The following PHF20L1 variants were observed in gnomAD, a reference collection of about 807,000 sequenced individuals.
PHF20L1 encodes PHD finger protein 20 like 1, also known as PHD finger protein 20-like protein 1.
In PHF20L1, 44 loss-of-function variants were observed where a neutral mutation model predicts 125.5. The observed-to-expected ratio is 0.35, with a 90% CI of 0.28 to 0.45. The LOEUF is 0.45. PHF20L1 is among the 20% of genes least tolerant of loss of function. The pLI, the probability that PHF20L1 is intolerant of heterozygous loss-of-function variation, is 1.00. For missense variants in PHF20L1, 1,012 were observed against 1,217.2 expected (o/e 0.83, Z 2.51); for synonymous variants, 380 against 403.1 (o/e 0.94, Z 0.69).
At chr8:132,817,176 T>C (rs1835079360) in intron 11 of PHF20L1, 100 bp downstream of exon 11, 2 of 926,546 alleles carry the variant, frequency 2.2e-6, no homozygotes, top group Non-Finnish European at 3.2e-6. Flanking sequence ...TCTGCTCTTA[T>C]ATCTTCTGGA....
At chr8:132,791,943 G>C (rs1831763447) in intron 2 of PHF20L1, among the ~76,000 whole-genome samples, 1 of 152,184 alleles carries the variant, frequency 6.6e-6, no homozygotes, top group South Asian at 2.1e-4. Flanking sequence ...GCTTTAAAAT[G>C]CAATCCAGAT....
rs765343162 is a variant in PHF20L1, at chr8:132,839,545, G to A, written c.2350G>A (p.Val784Met). 1.2e-6 allele frequency: 2 copies of A among 1,613,336 alleles called. No homozygotes were observed. Among genetic ancestry groups the A allele is most frequent in the East Asian group, 2.2e-5 (1 of 44,870 alleles). The change falls in exon 18 of 21, where the codon GTG (valine) becomes ATG (methionine). Residue 784 changes from valine to methionine, a missense_variant. Around this residue, in one of 7 missense-constraint regions of PHF20L1, gnomAD observed 277 missense variants for 283.6 expected, o/e 0.98. Transcript: ENST00000395386. ...LLADVYGVTE[V>M]LHGLQLKIGI... ...TGCTGATGTCTATGGTGTTACAGAA[G>A]TGCTACACGGGCTACAGCTGAAGAT...
At chr8:132,810,141 T>C (rs1482510655) in intron 8 of PHF20L1, 1 of 150,382 alleles carries the variant, frequency 6.6e-6, no homozygotes, top group Non-Finnish European at 1.5e-5. Context: ...GCCTCCTGGG[T>C]CTAAGTGATT....
rs1471325880 is a variant in PHF20L1 at position 132,848,805 on chromosome 8, C to G, written c.*2882C>G. 3 of 151,972 alleles carry G rather than the reference C, an allele frequency of 2.0e-5. No individual in the cohort carries two copies. The highest frequency in any genetic ancestry group is 2.9e-5 in the Non-Finnish European group (2 of 67,934). 9.4% of individuals were successfully genotyped at this position (151,972 alleles called of 1,614,324 possible). A position where few individuals can be genotyped will look rare whatever the true frequency, so the allele number is the denominator to read the frequency against. ...CCCTCCAATAAACGAAGTCTCCTGC[C>G]AACTTCACTGTCTCTGTTAATAACG... On this transcript the variant is annotated 3_prime_UTR_variant, in exon 21 of 21. Transcript: ENST00000395386.
chr8:132,822,196 G>A (rs1316500519), intron 12 of PHF20L1, among the ~76,000 whole-genome samples: 2 of 151,800 alleles, frequency 1.3e-5, no homozygotes, highest in East Asian at 3.9e-4. Flanking sequence ...ACAGTATCTC[G>A]AACTGACTCT....
At chr8:132,813,714 A>G (rs1026799991) in intron 9 of PHF20L1, among the ~76,000 whole-genome samples, 1 of 152,018 alleles carries the variant, frequency 6.6e-6, no homozygotes, top group Admixed American at 6.6e-5. Flanking sequence ...AAGAGATAGA[A>G]GTATTGCAGA....
intron 20 of PHF20L1, among the ~76,000 whole-genome samples, chr8:132,845,388 A>G (rs1375664652): frequency 2.0e-5 from 3 of 152,068 alleles, no homozygotes; most frequent in Non-Finnish European, 4.4e-5. Context: ...ACGAGTCTAA[A>G]TTAATAGAAA....
intron 19 of PHF20L1, chr8:132,843,296 C>G: frequency 1.0e-6 from 1 of 984,660 alleles, no homozygotes; most frequent in Non-Finnish European, 1.2e-6. Context: ...GCATGTTTGT[C>G]AATGCATCCC....
At chr8:132,791,531 G>A (rs1185850579) in intron 2 of PHF20L1, among the ~76,000 whole-genome samples, 2 of 152,114 alleles carry the variant, frequency 1.3e-5, no homozygotes, top group Admixed American at 1.3e-4. Flanking sequence ...GGGATTACAG[G>A]CATGAGCCAC....
At chr8:132,781,436 CAG>C (rs1190756229) in intron 2 of PHF20L1, among the ~76,000 whole-genome samples, 1 of 151,854 alleles carries the variant, frequency 6.6e-6, no homozygotes, top group Non-Finnish European at 1.5e-5. Context: ...TTTTTTGAGA[CAG>C]AGTCTTGCTC....
intron 8 of PHF20L1, among the ~76,000 whole-genome samples, chr8:132,805,460 C>G: frequency 6.6e-6 from 1 of 151,814 alleles, no homozygotes. Context: ...CCTAGTGATT[C>G]TAGTCTTCAA....
intron 14 of PHF20L1, among the ~76,000 whole-genome samples, chr8:132,830,920 A>G (rs771735098): frequency 2.6e-5 from 4 of 152,048 alleles, no homozygotes; most frequent in South Asian, 2.1e-4. Context: ...TTGCTCACGC[A>G]TAAACCTGGA....
rs773269415 is a variant in PHF20L1, at chr8:132,839,064, T to C, written c.2192-323T>C. The C allele has an allele frequency of 1.4e-5, 3 of 219,956 alleles. No individual in the cohort carries two copies. In the South Asian group the frequency reaches 3.3e-4, roughly 24 times the overall value. The allele number at this position is 219,956 out of a possible 1,614,324, so 13.6% of individuals were successfully genotyped here. On this transcript the variant is annotated intron_variant, in intron 17 of 20. Transcript: ENST00000395386. ...TGAGAGAAATAACCCCTGTCTAGTT[T>C]TTATCCAGCCCTTTGAGCCTTTTTA...
chr8:132,842,740 G>A lies in PHF20L1; in HGVS notation c.2613G>A (p.Gln871=). 6.2e-7 allele frequency: 1 copy of A among 1,613,356 alleles called. No individual in the cohort carries two copies. The highest frequency in any genetic ancestry group is 1.1e-5 in the South Asian group (1 of 91,056). ...HSYQKPQSFG[Q]DCKSLADPGS... ...ATCAAAAGCCACAAAGTTTTGGTCAGGACTGTAAATCTCTCGCAGACCCTG... is the reference window on the plus strand; with the variant it reads ...ATCAAAAGCCACAAAGTTTTGGTCAAGACTGTAAATCTCTCGCAGACCCTG... The change falls in exon 19 of 21, where the codon CAG becomes CAA. Residue 871 remains glutamine (Q), a synonymous_variant. Transcript: ENST00000395386.
intron 9 of PHF20L1, chr8:132,812,830 G>A (rs1834549905): frequency 2.0e-6 from 2 of 977,878 alleles, no homozygotes; most frequent in Admixed American, 6.2e-5. Flanking sequence ...TGTCACTCAT[G>A]ACATAGATTG....
chr8:132,799,598 A>G (rs1377936753), intron 6 of PHF20L1: 2 of 154,054 alleles, frequency 1.3e-5, no homozygotes, highest in African/African-American at 4.8e-5. Flanking sequence ...ATTAATTTTA[A>G]GAAATTGAAA....
At chr8:132,841,736 C>CT (rs995713823) in intron 18 of PHF20L1, 3 of 152,034 alleles carry the variant, frequency 2.0e-5, no homozygotes, top group African/African-American at 7.2e-5. Context: ...TTTGAGGTCA[C>CT]TTGGGTAGTA....
chr8:132,812,103 A>G (rs962554337), intron 9 of PHF20L1: 204 of 978,672 alleles, frequency 2.1e-4, no homozygotes, highest in Non-Finnish European at 2.4e-4. Flanking sequence ...ATGTCATTGA[A>G]TCATACCTTC....
chr8:132,844,930 A>G (rs1438791860), intron 20 of PHF20L1, among the ~76,000 whole-genome samples: 1 of 151,968 alleles, frequency 6.6e-6, no homozygotes, highest in Non-Finnish European at 1.5e-5. Context: ...ATCATAGACG[A>G]TATTCTGCAC....
Sources: gnomAD v4.1 joint callset for allele counts (sites outside exome capture counted in the v4.1 genomes callset) on GRCh38, gnomAD v4.1.1 for gene constraint, gnomAD v4.1.1 regional missense constraint, MANE v1.5 for transcripts, NCBI Gene and HGNC (gene_info 2026-07-23, HGNC 2026-07-21) for gene names.